Variants in TUBGCP6 observed in about 807,000 individuals in gnomAD.
TUBGCP6 encodes the protein tubulin gamma complex component 6.
A neutral mutation model predicts 175.8 loss-of-function variants in TUBGCP6; 161 were observed. The ratio of observed to expected loss-of-function variants is 0.92; its 90% confidence interval spans 0.81 to 1.04. The LOEUF (loss-of-function observed/expected upper bound fraction) is 1.04. Ranked by LOEUF, TUBGCP6 falls within the 50% of genes least tolerant of loss-of-function variation. The probability of loss-of-function intolerance (pLI) is 0.00; values close to 1 mark genes in which losing one functional copy is unlikely to be tolerated. For synonymous variants in TUBGCP6, 1,173 were observed against 1,030.5 expected, an observed-to-expected ratio of 1.14 and a Z score of -2.65; for missense variants, 2,572 against 2,433.0, an observed-to-expected ratio of 1.06 and a Z score of -1.20.
At position 50,244,498 on chromosome 22, in the gene TUBGCP6, C is replaced by T; in HGVS notation, c.-39G>A. The T allele has an allele frequency of 6.4e-7, 1 of 1,568,234 alleles. No homozygotes were observed. Among genetic ancestry groups the T allele is most frequent in the Non-Finnish European group, 8.6e-7 (1 of 1,159,466 alleles). On this transcript the variant is annotated 5_prime_UTR_variant, in exon 1 of 25. Coordinates refer to ENST00000248846, the MANE Select transcript of TUBGCP6 (RefSeq NM_020461.4). ...TCCGGGCCCCCGGCGTGTGGGAAAACACCTCACCCGGGCTTCACTCACGCT... is the reference window on the plus strand; with the variant it reads ...TCCGGGCCCCCGGCGTGTGGGAAAATACCTCACCCGGGCTTCACTCACGCT...
intron 5 of TUBGCP6, 99 bp from the exon 6 acceptor site, chr22:50,227,176 G>T: frequency 9.0e-7 from 1 of 1,109,832 alleles, no homozygotes; most frequent in Non-Finnish European, 1.3e-6. Flanking sequence ...TATGCTCCCT[G>T]GGGCAACTAA....
Position 50,222,708 on chromosome 22 carries a change from C to T in TUBGCP6, c.2271-116G>A, listed in dbSNP as rs1045484246. ...AGAGGCCCCAGTGGGCCCCCGCCCC[C>T]GTCTCCCCCTACCAGGGGCTGATAG... On this transcript the variant is annotated intron_variant, in intron 13 of 24. Transcript: ENST00000248846. The T allele has an allele frequency of 2.2e-5, 31 of 1,437,350 alleles. No individual in the cohort carries two copies. The Admixed American group carries it at 3.4e-4, about 16-fold the overall frequency. The allele number at this position is 1,437,350 out of a possible 1,614,324, so 89.0% of individuals were successfully genotyped here. A position where few individuals can be genotyped will look rare whatever the true frequency, so the allele number is the denominator to read the frequency against.
chr22:50,218,442 G>T, intron 22 of TUBGCP6, 40 bp from the exon 23 acceptor site: 1 of 1,612,886 alleles, frequency 6.2e-7, no homozygotes, highest in African/African-American at 1.3e-5. Context: ...GGTGAGCGCA[G>T]CCTCCAGCCA....
rs1291939605 is a variant in TUBGCP6, at chr22:50,229,462, C to T, written c.1232G>A (p.Ser411Asn). 1 of 1,613,374 alleles carries T rather than the reference C, an allele frequency of 6.2e-7. No individual in the cohort carries two copies. Among genetic ancestry groups the T allele is most frequent in the South Asian group, 1.1e-5 (1 of 90,938 alleles). The change falls in exon 4 of 25, where the codon AGT becomes AAT. Residue 411 changes from serine (S) to asparagine (N), a missense_variant. By Grantham distance (46) the Ser-to-Asn change is conservative (BLOSUM62 1). Coordinates refer to ENST00000248846, the MANE Select transcript of TUBGCP6 (RefSeq NM_020461.4). ...AEYGTCYTRL[S>N]HFSLQPVLDS... ...CAGGACGGGCTGCAGAGAGAAATGACTCAGGCGCGTGTAGCAGGTCCCATA... is the reference window on the plus strand; with the variant it reads ...CAGGACGGGCTGCAGAGAGAAATGATTCAGGCGCGTGTAGCAGGTCCCATA...
At position 50,219,050 on chromosome 22, in the gene TUBGCP6, C is replaced by T; in HGVS notation, c.4626+18G>A. ...GCCTCCCCTCTACCACTGGCCCCAC[C>T]CCGTGTCCGGAGGCCACCTTCTCAA... On this transcript the variant is annotated intron_variant, in intron 20 of 24. Transcript: ENST00000248846. The T allele has an allele frequency of 3.1e-6, 5 of 1,611,194 alleles. No individual in the cohort carries two copies. Among genetic ancestry groups the T allele is most frequent in the Non-Finnish European group, 4.2e-6 (5 of 1,179,730 alleles).
rs763850407 is a variant in TUBGCP6 at position 50,226,238 on chromosome 22, C to A, written c.1693+49G>T. 5 of 1,614,006 alleles carry A rather than the reference C, an allele frequency of 3.1e-6. No homozygotes were observed. In the Admixed American group the frequency reaches 5.0e-5, roughly 16 times the overall value. ...TGGCCGGCATGGCCATGGCCCTGAACCCAGGCCCACAGGCACGGACCCCTG... is the reference window on the plus strand; with the variant it reads ...TGGCCGGCATGGCCATGGCCCTGAAACCAGGCCCACAGGCACGGACCCCTG... On this transcript the variant is annotated intron_variant, in intron 8 of 24. Coordinates refer to ENST00000248846, the MANE Select transcript of TUBGCP6 (RefSeq NM_020461.4).
chr22:50,229,013 T>C (rs974912090), intron 4 of TUBGCP6, among the ~76,000 whole-genome samples: 2 of 152,196 alleles, frequency 1.3e-5, no homozygotes, highest in African/African-American at 4.8e-5. Context: ...CAGACTTGGC[T>C]CAGAACTCCC....
In TUBGCP6 at chr22:50,224,205, G is replaced by A. The variant is rs139968102; in HGVS notation, c.2206C>T (p.Arg736Cys). ...CTTCTCTCCCTGTCTCGGAGTTCAC[G>A]GGCGTAGCTGAAGTCATCATCCAGC... Reference protein sequence around the residue: ...EELDDDFSYARELRDRERRLK... With the variant: ...EELDDDFSYACELRDRERRLK... The change falls in exon 13 of 25, where the codon CGT becomes TGT. Residue 736 changes from arginine (R) to cysteine (C), a missense_variant. Transcript: ENST00000248846. The A allele has an allele frequency of 3.1e-5, 50 of 1,613,946 alleles. No individual in the cohort carries two copies. Among genetic ancestry groups the A allele is most frequent in the African/African-American group, 8.0e-5 (6 of 74,908 alleles).
chr22:50,231,811 G>A (rs1569120611), intron 3 of TUBGCP6, among the ~76,000 whole-genome samples: 1 of 143,298 alleles, frequency 7.0e-6, no homozygotes, highest in Non-Finnish European at 1.5e-5. Flanking sequence ...AGTGAGCCGA[G>A]ATCGCGCCAC....
chr22:50,220,852 G>A lies in TUBGCP6; in HGVS notation c.3507C>T (p.Ile1169=), dbSNP rs765438622. The A allele has an allele frequency of 6.2e-7, 1 of 1,603,850 alleles. No homozygotes were observed. Among genetic ancestry groups the A allele is most frequent in the East Asian group, 2.3e-5 (1 of 44,354 alleles). ...NTHGHVSDAS[I]SLGESVSDMA... Reference sequence around the variant, plus strand: ...TGTCTGACACAGACTCCCCCAAGCTGATGCTGGCATCGGACACGTGTCCAT... The same window carrying A: ...TGTCTGACACAGACTCCCCCAAGCTAATGCTGGCATCGGACACGTGTCCAT... The change falls in exon 16 of 25, where the codon ATC becomes ATT. Residue 1169 remains isoleucine (I), a synonymous_variant. Coordinates refer to ENST00000248846, the MANE Select transcript of TUBGCP6 (RefSeq NM_020461.4).
chr22:50,220,340 C>T lies in TUBGCP6; in HGVS notation c.4019G>A (p.Ser1340Asn). The change falls in exon 16 of 25, where the codon AGC becomes AAC. Residue 1340 changes from serine to asparagine, a missense_variant. Ser to Asn is a conservative substitution (Grantham distance 46). Transcript: ENST00000248846. ...SSPSSGCGEGSISVGENVSDV... is the reference protein window; with the variant it reads ...SSPSSGCGEGNISVGENVSDV... ...TGACACGTTCTCCCCCACGCTGATG[C>T]TCCCCTCCCCGCAGCCCGAGCTGGG... is the stretch of plus-strand genomic sequence containing the variant. 1 of 1,568,712 alleles carries T rather than the reference C, an allele frequency of 6.4e-7. No individual in the cohort carries two copies. Among genetic ancestry groups the T allele is most frequent in the Non-Finnish European group, 8.7e-7 (1 of 1,153,968 alleles).
Position 50,221,535 on chromosome 22 carries a change from T to G in TUBGCP6, c.2824A>C (p.Ser942Arg). The G allele has an allele frequency of 4.4e-6, 7 of 1,585,342 alleles. No homozygotes were observed. The highest frequency in any genetic ancestry group is 6.0e-6 in the Non-Finnish European group (7 of 1,164,072). Residue 942 changes from serine to arginine, a missense_variant, in exon 16 of 25, where the codon AGC becomes CGC. Ser to Arg is a moderately radical substitution (Grantham distance 110). Coordinates refer to ENST00000248846, the MANE Select transcript of TUBGCP6 (RefSeq NM_020461.4). Reference protein sequence around the residue: ...SAPGEAPAAASTQPSRPQEYD... With the variant: ...SAPGEAPAAARTQPSRPQEYD... ...TCCTGTGGCCTGGAGGGCTGAGTGC[T>G]GGCTGCTGCGGGTGCCTCCCCAGGA...
rs759122979 is a variant in TUBGCP6, at chr22:50,217,699, G to A, written c.*37C>T. On this transcript the variant is annotated 3_prime_UTR_variant, in exon 25 of 25. Coordinates refer to ENST00000248846, the MANE Select transcript of TUBGCP6 (RefSeq NM_020461.4). ...AGAGAGAGCTGCAGACAGGGTCCGA[G>A]AACACCTTTATTGTGCACGTCCCCC... is the stretch of plus-strand genomic sequence containing the variant. The A allele has an allele frequency of 2.5e-6, 4 of 1,593,306 alleles. No homozygotes were observed. Among genetic ancestry groups the A allele is most frequent in the South Asian group, 1.1e-5 (1 of 89,460 alleles).
chr22:50,220,294 T>A lies in TUBGCP6; in HGVS notation c.4065A>T (p.Pro1355=), dbSNP rs1324149395. The A allele has an allele frequency of 1.6e-5, 25 of 1,575,574 alleles. No individual in the cohort carries two copies. Among genetic ancestry groups the A allele is most frequent in the Non-Finnish European group, 2.2e-5 (25 of 1,156,710 alleles). The change falls in exon 16 of 25, where the codon CCA becomes CCT. Residue 1355 remains proline, a synonymous_variant. Coordinates refer to ENST00000248846, the MANE Select transcript of TUBGCP6 (RefSeq NM_020461.4). ...ENVSDVAPTQ[P]WWPNTPGDSV... is the part of the protein sequence containing the mutation. ...TGTCTCCCGGGGTGTTGGGCCACCA[T>A]GGTTGGGTGGGAGCCACGTCTGACA...
At chr22:50,229,211 C>T (rs1414651313) in intron 4 of TUBGCP6, among the ~76,000 whole-genome samples, 193 bp downstream of exon 4, 1 of 152,176 alleles carries the variant, frequency 6.6e-6, no homozygotes, top group African/African-American at 2.4e-5. Context: ...ACACATCTGC[C>T]CCAAGTTTCT....
chr22:50,230,542 G>T (rs905400693), intron 3 of TUBGCP6, among the ~76,000 whole-genome samples: 2 of 151,690 alleles, frequency 1.3e-5, no homozygotes, highest in Non-Finnish European at 2.9e-5. Flanking sequence ...GGAGGCAGAG[G>T]TTGCAGTGAG....
Position 50,218,136 on chromosome 22 carries a change from G to A in TUBGCP6, c.5169-19C>T, listed in dbSNP as rs1456133518. ...CAGGCCCCTGGGGGGAAGCAGTGCT[G>A]CTGGGTGGGCTGAGCCGTGACCACA... On this transcript the variant is annotated intron_variant, in intron 23 of 24. Coordinates refer to ENST00000248846, the MANE Select transcript of TUBGCP6 (RefSeq NM_020461.4). 11 of 1,610,716 alleles carry A rather than the reference G, an allele frequency of 6.8e-6. No homozygotes were observed. The highest frequency in any genetic ancestry group is 9.3e-6 in the Non-Finnish European group (11 of 1,178,914).
Position 50,222,498 on chromosome 22 carries a change from T to A in TUBGCP6, c.2365A>T (p.Ser789Cys). ...LWRIQRHRLE[S>C]ARLRFLLEDE... ...TCTAAGAGAAAACGAAGCCGTGCAC[T>A]CTCCAGTCGGTGCCTCTGGATTCTC... Residue 789 changes from serine (S) to cysteine (C), a missense_variant, in exon 14 of 25, where the codon AGT becomes TGT. Ser to Cys is a moderately radical substitution (Grantham distance 112, BLOSUM62 -1). Transcript: ENST00000248846. 1 of 1,613,844 alleles carries A rather than the reference T, an allele frequency of 6.2e-7. No homozygotes were observed. Among genetic ancestry groups the A allele is most frequent in the Non-Finnish European group, 8.5e-7 (1 of 1,180,028 alleles).
intron 1 of TUBGCP6, among the ~76,000 whole-genome samples, chr22:50,241,385 T>A (rs926314919): frequency 2.0e-5 from 3 of 152,074 alleles, no homozygotes; most frequent in Non-Finnish European, 2.9e-5. Flanking sequence ...AAGCACCCAC[T>A]ACTTAGCAGA....
Sources: allele counts gnomAD v4.1 joint callset (sites outside exome capture counted in the v4.1 genomes callset), GRCh38; gene constraint gnomAD v4.1.1; transcripts MANE v1.5; gene names NCBI Gene and HGNC (gene_info 2026-07-23, HGNC 2026-07-21).